The following TMEM18 variants were observed in gnomAD, a reference collection of about 807,000 sequenced individuals.
TMEM18 encodes transmembrane protein 18.
A neutral mutation model predicts 17.4 loss-of-function variants in TMEM18; 14 were observed. That is an observed-to-expected ratio of 0.80 (90% CI 0.53 to 1.25). The LOEUF (loss-of-function observed/expected upper bound fraction) is 1.25. Ranked by LOEUF, TMEM18 falls within the 50% of genes most tolerant of loss-of-function variation. TMEM18 has a pLI of 0.00. For synonymous variants in TMEM18, 86 were observed against 66.1 expected, an observed-to-expected ratio of 1.30 and a Z score of -1.46; for missense variants, 187 against 172.1, an observed-to-expected ratio of 1.09 and a Z score of -0.48.
In TMEM18 at chr2:666,469, G is replaced by T. The variant is rs183057534; in HGVS notation, c.*3111C>A. The stretch of plus-strand genomic sequence containing the variant: ...CAGGCCGCTGTGAAACTGGAACATC[G>T]GAGGAAGAGGAGCTAGAAAGCTTAC... On this transcript the variant is annotated 3_prime_UTR_variant, in exon 5 of 5. Coordinates refer to ENST00000281017, the MANE Select transcript of TMEM18 (RefSeq NM_152834.4). Among the ~76,000 whole-genome samples, 4 of 152,290 alleles carry T rather than the reference G, an allele frequency of 2.6e-5. No homozygotes were observed. Among genetic ancestry groups the T allele is most frequent in the Non-Finnish European group, 5.9e-5 (4 of 68,016 alleles).
Position 676,264 on chromosome 2 carries a change from C to T in TMEM18, c.58-634G>A, listed in dbSNP as rs553950944. 10 of 1,446,740 alleles carry T rather than the reference C, an allele frequency of 6.9e-6. No individual in the cohort carries two copies. In the East Asian group the frequency reaches 2.2e-4, roughly 32 times the overall value. The allele number at this position is 1,446,740 out of a possible 1,614,324, so 89.6% of individuals were successfully genotyped here. A position where few individuals can be genotyped will look rare whatever the true frequency, so the allele number is the denominator to read the frequency against. On this transcript the variant is annotated intron_variant, in intron 1 of 4. Coordinates refer to ENST00000281017, the MANE Select transcript of TMEM18 (RefSeq NM_152834.4). ...CTGGGGACAGTGTCTGGCTCAGGGA[C>T]CTGAAGTAGCCAGGCTCAGATCCAC...
intron 3 of TMEM18, among the ~76,000 whole-genome samples, chr2:671,380 C>T (rs965794987): frequency 2.0e-5 from 3 of 151,580 alleles, no homozygotes; most frequent in African/African-American, 4.9e-5. Context: ...CATGTGAAGG[C>T]CCTGCATCCG....
chr2:669,393 T>G lies in TMEM18; in HGVS notation c.*187A>C. On this transcript the variant is annotated 3_prime_UTR_variant, in exon 5 of 5. Transcript: ENST00000281017. ...AGGCACCTGAAGACGCATGTCCTGA[T>G]GGATACATTCAGTGCTGGCTGAAAA... The G allele has an allele frequency of 1.5e-6, 1 of 647,858 alleles. No individual in the cohort carries two copies. 40.1% of individuals were successfully genotyped at this position (647,858 alleles called of 1,614,324 possible).
In TMEM18 at chr2:667,631, A is replaced by G. The variant is rs1678728043; in HGVS notation, c.*1949T>C. The G allele has an allele frequency of 6.6e-6, 1 of 152,250 alleles. No homozygotes were observed. The highest frequency in any genetic ancestry group is 2.4e-5 in the African/African-American group (1 of 41,466). The allele number at this position is 152,250 out of a possible 1,614,324, so 9.4% of individuals were successfully genotyped here. On this transcript the variant is annotated 3_prime_UTR_variant, in exon 5 of 5. Coordinates refer to ENST00000281017, the MANE Select transcript of TMEM18 (RefSeq NM_152834.4). Reference sequence around the variant, plus strand: ...TTCTATGACTTTCCCTAAAATGAGGACAACATATCAAGACAATTGTTAACA... The same window carrying G: ...TTCTATGACTTTCCCTAAAATGAGGGCAACATATCAAGACAATTGTTAACA...
intron 3 of TMEM18, among the ~76,000 whole-genome samples, chr2:672,597 C>T (rs1678878112): frequency 6.6e-6 from 1 of 152,264 alleles, no homozygotes; most frequent in Non-Finnish European, 1.5e-5. Context: ...AGCACTGTCC[C>T]ACAGTGCCAC....
chr2:674,725 T>C (rs1558182099), intron 2 of TMEM18, among the ~76,000 whole-genome samples: 1 of 152,246 alleles, frequency 6.6e-6, no homozygotes, highest in Non-Finnish European at 1.5e-5. Flanking sequence ...ACTAAACTTA[T>C]CTGAAATTAG....
chr2:673,901 G>A (rs1678927448), intron 2 of TMEM18, among the ~76,000 whole-genome samples: 1 of 151,562 alleles, frequency 6.6e-6, no homozygotes. Context: ...CGTTACAGGG[G>A]GAAGGTGGGG....
At chr2:674,440 T>C (rs1019783301) in intron 2 of TMEM18, among the ~76,000 whole-genome samples, 8 of 152,212 alleles carry the variant, frequency 5.3e-5, no homozygotes, top group Non-Finnish European at 8.8e-5. Flanking sequence ...CCTGTTTCAC[T>C]GTGTTTTTGG....
At chr2:674,466 ACTT>A (rs1678941717) in intron 2 of TMEM18, among the ~76,000 whole-genome samples, 1 of 152,184 alleles carries the variant, frequency 6.6e-6, no homozygotes, top group African/African-American at 2.4e-5. Context: ...CCATTGCAAC[ACTT>A]GTCACTGTTG....
chr2:674,834 C>G (rs1350035474), intron 2 of TMEM18, among the ~76,000 whole-genome samples: 2 of 152,240 alleles, frequency 1.3e-5, no homozygotes, highest in Non-Finnish European at 2.9e-5. Context: ...CCTCTTCTAC[C>G]CACACGTGTT....
At chr2:673,042 C>G (rs1678896572) in intron 2 of TMEM18, among the ~76,000 whole-genome samples, 180 bp from the exon 3 acceptor site, 1 of 152,206 alleles carries the variant, frequency 6.6e-6, no homozygotes, top group Non-Finnish European at 1.5e-5. Flanking sequence ...GAAAGAAAAT[C>G]AAGGCCAACA....
intron 1 of TMEM18, chr2:676,741 G>A: frequency 8.6e-7 from 1 of 1,160,056 alleles, no homozygotes; most frequent in East Asian, 2.6e-5. Context: ...GTTCCTCCGT[G>A]CCACCCCACA....
Position 665,228 on chromosome 2 carries a change from C to T in TMEM18, c.*4352G>A, listed in dbSNP as rs928245509. Reference sequence around the variant, plus strand: ...AGAGATGCAGATGCCCCACTCACTCCGATAGAGAATCAACCCCATATACAA... The same window carrying T: ...AGAGATGCAGATGCCCCACTCACTCTGATAGAGAATCAACCCCATATACAA... On this transcript the variant is annotated 3_prime_UTR_variant, in exon 5 of 5. Transcript: ENST00000281017. Among the ~76,000 whole-genome samples the T allele has an allele frequency of 3.7e-5, 5 of 135,432 alleles. No individual in the cohort carries two copies. The highest frequency in any genetic ancestry group is 1.1e-4 in the African/African-American group (4 of 36,238). The allele number at this position is 135,432 out of a possible 152,430, so 88.8% of individuals were successfully genotyped here. A position where few individuals can be genotyped will look rare whatever the true frequency, so the allele number is the denominator to read the frequency against.
rs1226922210 is a variant in TMEM18 at position 664,466 on chromosome 2, AAAG to A, written c.*5111_*5113del. ...TTTTTTAAAGCCCATATTGCAAAACAAAGAAGAATACGAACAGATTATTCACTA... is the reference window on the plus strand; with the variant it reads ...TTTTTTAAAGCCCATATTGCAAAACAAAGAATACGAACAGATTATTCACTA... On this transcript the variant is annotated 3_prime_UTR_variant, in exon 5 of 5. Coordinates refer to ENST00000281017, the MANE Select transcript of TMEM18 (RefSeq NM_152834.4). Among the ~76,000 whole-genome samples the A allele has an allele frequency of 2.6e-5, 4 of 152,408 alleles. No individual in the cohort carries two copies. The highest frequency in any genetic ancestry group is 1.9e-4 in the East Asian group (1 of 5,194).
chr2:676,045 G>T, intron 1 of TMEM18: 1 of 1,318,130 alleles, frequency 7.6e-7, no homozygotes. Flanking sequence ...TCAAAGAGAT[G>T]CACTTGGCTC....
At chr2:676,595 G>A (rs1056654771) in intron 1 of TMEM18, 15 of 1,550,404 alleles carry the variant, frequency 9.7e-6, no homozygotes, top group African/African-American at 8.2e-5. Context: ...AGGCACGGAG[G>A]TGAGGGGAGC....
chr2:677,228 C>T, intron 1 of TMEM18, 61 bp downstream of exon 1: 3 of 1,562,348 alleles, frequency 1.9e-6, no homozygotes, highest in Non-Finnish European at 2.6e-6. Flanking sequence ...CTCTGTGGGG[C>T]CTACCCTACG....
intron 2 of TMEM18, among the ~76,000 whole-genome samples, chr2:673,860 T>G (rs756588440): frequency 2.0e-5 from 2 of 98,270 alleles, no homozygotes; most frequent in African/African-American, 4.1e-5. Context: ...GTGGTGGGCA[T>G]GGGTGCGGGG....
At chr2:672,960 C>A in intron 2 of TMEM18, 98 bp from the exon 3 acceptor site, 1 of 1,155,358 alleles carries the variant, frequency 8.7e-7, no homozygotes, top group Non-Finnish European at 1.2e-6. Context: ...ATAGAAATGT[C>A]ACTTTAATTT....
Sources: allele counts gnomAD v4.1 joint callset (sites outside exome capture counted in the v4.1 genomes callset), GRCh38; gene constraint gnomAD v4.1.1; transcripts MANE v1.5; gene names NCBI Gene and HGNC (gene_info 2026-07-23, HGNC 2026-07-21).